Variants in PCSK2 observed in about 807,000 individuals in gnomAD.
PCSK2 encodes the protein neuroendocrine convertase 2.
A neutral mutation model predicts 69.7 loss-of-function variants in PCSK2; 14 were observed. The observed-to-expected ratio is 0.20, with a 90% CI of 0.13 to 0.31. The LOEUF (loss-of-function observed/expected upper bound fraction) is 0.31, where lower values mean the gene tolerates loss of function less well. PCSK2 is among the 10% of genes least tolerant of loss of function. PCSK2 has a pLI of 1.00. For synonymous variants in PCSK2, 307 were observed against 320.7 expected, an observed-to-expected ratio of 0.96 and a Z score of 0.46; for missense variants, 544 against 842.5, an observed-to-expected ratio of 0.65 and a Z score of 4.39.
intron 2 of PCSK2, among the ~76,000 whole-genome samples, chr20:17,268,377 A>C (rs980161788): frequency 6.6e-6 from 1 of 152,152 alleles, no homozygotes; most frequent in African/African-American, 2.4e-5. Context: ...GAGTATGGGA[A>C]GAGGGAGAGC....
At chr20:17,350,585 T>C (rs527726835) in intron 2 of PCSK2, among the ~76,000 whole-genome samples, 99 of 152,252 alleles carry the variant, frequency 6.5e-4, no homozygotes, top group African/African-American at 2.3e-3. Context: ...TACTGGAAGA[T>C]TGACTGTGTT....
intron 2 of PCSK2, among the ~76,000 whole-genome samples, chr20:17,351,071 G>A (rs114140808): frequency 2.7e-5 from 4 of 150,290 alleles, no homozygotes; most frequent in African/African-American, 4.9e-5. Flanking sequence ...TGTAGTAAAA[G>A]TACCTTGTTA....
At chr20:17,303,466 A>ATAATATAT (rs1989182608) in intron 2 of PCSK2, among the ~76,000 whole-genome samples, 1 of 60,326 alleles carries the variant, frequency 1.7e-5, no homozygotes, top group African/African-American at 7.0e-5. Flanking sequence ...TAAATATAAT[A>ATAATATAT]TATATTATAT....
At chr20:17,231,630 G>C (rs1986145133) in intron 1 of PCSK2, among the ~76,000 whole-genome samples, 1 of 152,154 alleles carries the variant, frequency 6.6e-6, no homozygotes, top group Admixed American at 6.6e-5. Context: ...TTCTATTGCT[G>C]TGTATCACTA....
chr20:17,421,625 G>T (rs567934795), intron 6 of PCSK2, among the ~76,000 whole-genome samples: 77 of 152,076 alleles, frequency 5.1e-4, no homozygotes, highest in African/African-American at 1.7e-3. Flanking sequence ...AGAAGACAAA[G>T]ACAGCCTCAT....
At chr20:17,449,626 G>A (rs190493747) in intron 8 of PCSK2, among the ~76,000 whole-genome samples, 97 of 148,844 alleles carry the variant, frequency 6.5e-4, no homozygotes, top group African/African-American at 2.2e-3. Flanking sequence ...CGCCTCCTGG[G>A]TTCAAGCAAT....
At chr20:17,347,872 AAAAGAAAG>A (rs201865268) in intron 2 of PCSK2, among the ~76,000 whole-genome samples, 1,771 of 88,792 alleles carry the variant, frequency 0.02, 123 homozygotes, top group African/African-American at 0.055. Context: ...GGAGAGAGAA[AAAAGAAAG>A]AAAGAAAGAA....
chr20:17,367,209 A>G (rs2030619984), intron 4 of PCSK2, among the ~76,000 whole-genome samples: 3 of 152,284 alleles, frequency 2.0e-5, no homozygotes, highest in Admixed American at 2.0e-4. Flanking sequence ...AAGCAATTTA[A>G]TTTCAACACA....
intron 2 of PCSK2, among the ~76,000 whole-genome samples, chr20:17,287,769 T>C (rs996494433): frequency 1.3e-5 from 2 of 152,186 alleles, no homozygotes; most frequent in African/African-American, 4.8e-5. Flanking sequence ...CCAGCCAGTA[T>C]TCCCCCAAGC....
At chr20:17,283,279 G>C (rs1220630649) in intron 2 of PCSK2, among the ~76,000 whole-genome samples, 2 of 152,180 alleles carry the variant, frequency 1.3e-5, no homozygotes, top group East Asian at 3.9e-4. Flanking sequence ...AGAATAATTA[G>C]CTAAATTCTG....
chr20:17,261,437 C>T (rs1284133761), intron 2 of PCSK2, among the ~76,000 whole-genome samples: 3 of 152,168 alleles, frequency 2.0e-5, no homozygotes, highest in Admixed American at 6.6e-5. Flanking sequence ...AGCAGATTGC[C>T]AAATGACAGG....
chr20:17,371,264 G>A (rs2030752742), intron 5 of PCSK2, among the ~76,000 whole-genome samples: 1 of 152,168 alleles, frequency 6.6e-6, no homozygotes, highest in African/African-American at 2.4e-5. Context: ...TTCCTGTCAG[G>A]CTGCTCCCAA....
At position 17,409,310 on chromosome 20, in the gene PCSK2, C is replaced by T. The variant is rs1330730959; in HGVS notation, c.591C>T (p.Tyr197=). The T allele has an allele frequency of 6.2e-7, 1 of 1,613,876 alleles. No homozygotes were observed. The highest frequency in any genetic ancestry group is 8.5e-7 in the Non-Finnish European group (1 of 1,179,780). ...YDFSSNDPYP[Y]PRYTDDWFNS... ...TCAGCAGCAACGACCCCTATCCTTA[C>T]CCTCGGTACACAGATGACTGGTTTA... The change falls in exon 6 of 12, where the codon TAC becomes TAT. Residue 197 remains tyrosine, a synonymous_variant. Coordinates refer to ENST00000262545, the MANE Select transcript of PCSK2 (RefSeq NM_002594.5).
At chr20:17,470,002 T>C (rs1464859259) in intron 11 of PCSK2, among the ~76,000 whole-genome samples, 1 of 152,134 alleles carries the variant, frequency 6.6e-6, no homozygotes, top group Non-Finnish European at 1.5e-5. Context: ...TGGTCTACAA[T>C]GCCAAGGTCT....
At chr20:17,428,885 G>A (rs1416985229) in intron 6 of PCSK2, among the ~76,000 whole-genome samples, 1 of 150,300 alleles carries the variant, frequency 6.7e-6, no homozygotes, top group Non-Finnish European at 1.5e-5. Flanking sequence ...TGTGGTCCCA[G>A]CTACTGAAGA....
intron 11 of PCSK2, among the ~76,000 whole-genome samples, chr20:17,469,625 G>A (rs1568663548): frequency 6.6e-6 from 1 of 151,964 alleles, no homozygotes; most frequent in Non-Finnish European, 1.5e-5. Flanking sequence ...CCAAACCCCA[G>A]GCTCTTTTCA....
chr20:17,254,639 C>A (rs1356571520), intron 1 of PCSK2, among the ~76,000 whole-genome samples: 1 of 152,174 alleles, frequency 6.6e-6, no homozygotes. Context: ...AAATGTGAGT[C>A]TTCCAACTTT....
At chr20:17,436,934 T>A in intron 8 of PCSK2, 51 bp downstream of exon 8, 1 of 1,484,604 alleles carries the variant, frequency 6.7e-7, no homozygotes, top group South Asian at 1.3e-5. Flanking sequence ...TGGGACAAAG[T>A]GGGTGGAGGG....
chr20:17,281,136 T>C (rs535595590), intron 2 of PCSK2, among the ~76,000 whole-genome samples: 30 of 152,342 alleles, frequency 2.0e-4, no homozygotes, highest in African/African-American at 7.2e-4. Flanking sequence ...GAGGTCAAAC[T>C]GGGCATGTGA....
Sources: gnomAD v4.1 joint callset for allele counts (sites outside exome capture counted in the v4.1 genomes callset) on GRCh38, gnomAD v4.1.1 for gene constraint, MANE v1.5 for transcripts, NCBI Gene and HGNC (gene_info 2026-07-23, HGNC 2026-07-21) for gene names.